Variants in GALNT13 observed in about 807,000 individuals in gnomAD.
GALNT13 encodes the protein UDP-GalNAc:polypeptide N-acetylgalactosaminyltransferase 13.
GALNT13 carries 28 observed loss-of-function variants against 64.2 expected under a neutral mutation model. That is an observed-to-expected ratio of 0.44 (90% CI 0.32 to 0.60). The LOEUF (loss-of-function observed/expected upper bound fraction) is 0.60, where lower values mean the gene tolerates loss of function less well. Among genes scored for constraint, GALNT13 ranks in the 20% least tolerant of loss-of-function variants. GALNT13 has a pLI of 0.05. For missense variants in GALNT13, 577 were observed against 669.8 expected (o/e 0.86, Z 1.53); for synonymous variants, 214 against 224.6 (o/e 0.95, Z 0.42).
chr2:154,319,852 T>C (rs974005765), intron 9 of GALNT13, among the ~76,000 whole-genome samples: 1 of 152,028 alleles, frequency 6.6e-6, no homozygotes, highest in African/African-American at 2.4e-5. Flanking sequence ...GTAGTAGTTA[T>C]TTTTTCATCA....
At chr2:154,431,841 C>T (rs575445312) in intron 11 of GALNT13, among the ~76,000 whole-genome samples, 25 of 152,340 alleles carry the variant, frequency 1.6e-4, no homozygotes, top group African/African-American at 5.8e-4. Context: ...CACACGCTCT[C>T]TTGCCTGCCA....
the GALNT13 span, among the ~76,000 whole-genome samples, chr2:153,488,917 C>G: frequency 6.6e-6 from 1 of 152,144 alleles, no homozygotes; most frequent in Non-Finnish European, 1.5e-5. Context: ...TGCCATTCTG[C>G]CTTCTGCTGT....
At chr2:154,363,543 G>A (rs1697196642) in intron 9 of GALNT13, among the ~76,000 whole-genome samples, 1 of 152,048 alleles carries the variant, frequency 6.6e-6, no homozygotes, top group African/African-American at 2.4e-5. Context: ...CCATTATGGT[G>A]ATGAAAGAAA....
the GALNT13 span, among the ~76,000 whole-genome samples, chr2:153,711,619 T>C: frequency 6.6e-6 from 1 of 152,268 alleles, no homozygotes; most frequent in East Asian, 1.9e-4. Flanking sequence ...AGAAGTTAAG[T>C]AATTATATGG....
At chr2:154,413,956 A>G (rs909673401) in intron 11 of GALNT13, among the ~76,000 whole-genome samples, 3 of 152,082 alleles carry the variant, frequency 2.0e-5, no homozygotes, top group Non-Finnish European at 4.4e-5. Context: ...CTTCTTTAGA[A>G]ATATCTCTAG....
chr2:153,070,950 T>G, the GALNT13 span, among the ~76,000 whole-genome samples: 1 of 152,194 alleles, frequency 6.6e-6, no homozygotes, highest in African/African-American at 2.4e-5. Flanking sequence ...CAAATATGAC[T>G]TATGAGACTG....
At chr2:154,316,417 A>T (rs896793072) in intron 9 of GALNT13, among the ~76,000 whole-genome samples, 1 of 151,844 alleles carries the variant, frequency 6.6e-6, no homozygotes, top group African/African-American at 2.4e-5. Context: ...TTCAACAAAA[A>T]TTTTTTATTA....
At chr2:154,255,664 T>G (rs997937099) in intron 7 of GALNT13, among the ~76,000 whole-genome samples, 1 of 151,992 alleles carries the variant, frequency 6.6e-6, no homozygotes, top group Non-Finnish European at 1.5e-5. Flanking sequence ...CATGTTGAGC[T>G]AGAGATTGAA....
At chr2:153,391,123 A>T in the GALNT13 span, among the ~76,000 whole-genome samples, 1 of 152,038 alleles carries the variant, frequency 6.6e-6, no homozygotes, top group Admixed American at 6.6e-5. Flanking sequence ...GGGTGGGGTC[A>T]TATAAAGACT....
the GALNT13 span, among the ~76,000 whole-genome samples, chr2:153,367,942 A>C: frequency 6.6e-6 from 1 of 152,152 alleles, no homozygotes; most frequent in Non-Finnish European, 1.5e-5. Context: ...AAGATGGTAG[A>C]TTTTTATTGC....
At chr2:154,214,083 A>G (rs955583330) in intron 4 of GALNT13, among the ~76,000 whole-genome samples, 2 of 152,222 alleles carry the variant, frequency 1.3e-5, no homozygotes, top group Non-Finnish European at 2.9e-5. Flanking sequence ...TGAATTATTG[A>G]TAAATTATCA....
chr2:153,264,519 A>C, the GALNT13 span, among the ~76,000 whole-genome samples: 11 of 152,238 alleles, frequency 7.2e-5, no homozygotes, highest in African/African-American at 2.4e-4. Context: ...TCACAATAGC[A>C]AAGACATGGA....
rs187178350 is a variant in GALNT13 at position 154,323,357 on chromosome 2, C to A, written c.1156+21768C>A. 5.1e-4 allele frequency among the ~76,000 whole-genome samples: 78 copies of A among 152,092 alleles called. 1 individual carries two copies. Among genetic ancestry groups the A allele is most frequent in the South Asian group, 4.8e-3 (23 of 4,824 alleles). On this transcript the variant is annotated intron_variant, in intron 9 of 12. Coordinates refer to ENST00000392825, the MANE Select transcript of GALNT13 (RefSeq NM_052917.4). ...TCTTTAACCTACCACAGTTTTTCCC[C>A]CTAAACTTTGAGTAAAGAGGGTTGA... is the stretch of plus-strand genomic sequence containing the variant.
intron 4 of GALNT13, among the ~76,000 whole-genome samples, chr2:154,219,903 A>G (rs1688236665): frequency 6.6e-6 from 1 of 152,068 alleles, no homozygotes; most frequent in Non-Finnish European, 1.5e-5. Flanking sequence ...ATGCACAGAA[A>G]CAGGGAGACC....
chr2:154,180,524 A>G (rs1322674247), intron 4 of GALNT13, among the ~76,000 whole-genome samples: 1 of 148,338 alleles, frequency 6.7e-6, no homozygotes, highest in Non-Finnish European at 1.5e-5. Context: ...TTAAAAAAAT[A>G]GATTTGTTTT....
chr2:153,894,824 T>A (rs1687786915), intron 1 of GALNT13, among the ~76,000 whole-genome samples: 1 of 152,158 alleles, frequency 6.6e-6, no homozygotes, highest in Non-Finnish European at 1.5e-5. Context: ...AAAGTTCATA[T>A]ATCTTTACTT....
chr2:153,513,431 T>G, the GALNT13 span, among the ~76,000 whole-genome samples: 67,100 of 152,050 alleles, frequency 0.44, 16,055 homozygotes, highest in African/African-American at 0.6. Flanking sequence ...GTTTTCTTTT[T>G]CTTATTAATC....
chr2:153,952,097 G>A (rs6721824), intron 3 of GALNT13, among the ~76,000 whole-genome samples: 117,568 of 152,140 alleles, frequency 0.77, 45,845 homozygotes, highest in East Asian at 0.96. Flanking sequence ...GTGCACTAAA[G>A]ATATTTCTGA....
At chr2:154,297,697 G>A (rs1693006700) in intron 8 of GALNT13, among the ~76,000 whole-genome samples, 2 of 152,086 alleles carry the variant, frequency 1.3e-5, no homozygotes, top group African/African-American at 2.4e-5. Flanking sequence ...ATGGCTATAT[G>A]GAGAATTATT....
Sources: gnomAD v4.1 joint callset for allele counts (sites outside exome capture counted in the v4.1 genomes callset) on GRCh38, gnomAD v4.1.1 for gene constraint, MANE v1.5 for transcripts, NCBI Gene and HGNC (gene_info 2026-07-23, HGNC 2026-07-21) for gene names.